SORCS1: variants seen among roughly 807,000 people sequenced by gnomAD.
The protein encoded by SORCS1 is sortilin related VPS10 domain containing receptor 1, also known as VPS10 domain-containing receptor SorCS1.
In SORCS1, 60 loss-of-function variants were observed where a neutral mutation model predicts 146.1. The ratio of observed to expected loss-of-function variants is 0.41; its 90% confidence interval spans 0.33 to 0.51. The LOEUF (loss-of-function observed/expected upper bound fraction) is 0.51, where lower values mean the gene tolerates loss of function less well. SORCS1 is among the 20% of genes least tolerant of loss of function. SORCS1 has a pLI of 0.21. For synonymous variants in SORCS1, 637 were observed against 584.0 expected (o/e 1.09, Z -1.31); for missense variants, 1,352 against 1,487.6 (o/e 0.91, Z 1.50).
intron 2 of SORCS1, among the ~76,000 whole-genome samples, chr10:106,843,609 G>C (rs1040611260): frequency 2.6e-5 from 4 of 151,912 alleles, no homozygotes; most frequent in South Asian, 4.2e-4. Flanking sequence ...TTCTGTTTTT[G>C]TATTTTTAGT....
At chr10:106,955,781 G>A (rs1954908606) in intron 2 of SORCS1, among the ~76,000 whole-genome samples, 1 of 152,068 alleles carries the variant, frequency 6.6e-6, no homozygotes. Flanking sequence ...ACCTGAGGTC[G>A]GAAGTTCAAG....
chr10:106,776,889 T>C (rs556346871), intron 3 of SORCS1, among the ~76,000 whole-genome samples, 197 bp from the exon 4 acceptor site: 1 of 152,258 alleles, frequency 6.6e-6, no homozygotes, highest in Non-Finnish European at 1.5e-5. Flanking sequence ...TACAAAGAAA[T>C]GAAGGGAGTA....
At chr10:106,644,863 TCTA>T (rs1255010581) in intron 18 of SORCS1, among the ~76,000 whole-genome samples, 1 of 152,236 alleles carries the variant, frequency 6.6e-6, no homozygotes, top group African/African-American at 2.4e-5. Flanking sequence ...GTTTATGTAT[TCTA>T]CTATTCATGA....
chr10:106,817,013 A>C (rs1947778289), intron 3 of SORCS1, among the ~76,000 whole-genome samples: 3 of 152,246 alleles, frequency 2.0e-5, no homozygotes, highest in Non-Finnish European at 4.4e-5. Context: ...AGGAACAAAG[A>C]CAGTATTAGT....
At chr10:107,002,373 T>G (rs1957257551) in intron 1 of SORCS1, among the ~76,000 whole-genome samples, 1 of 152,178 alleles carries the variant, frequency 6.6e-6, no homozygotes, top group Non-Finnish European at 1.5e-5. Flanking sequence ...CTCCTTTAAT[T>G]ACTGTGTCAG....
intron 17 of SORCS1, among the ~76,000 whole-genome samples, chr10:106,663,481 T>C (rs2135396351): frequency 6.6e-6 from 1 of 152,318 alleles, no homozygotes; most frequent in East Asian, 1.9e-4. Context: ...AACATACACA[T>C]TTATTTTGTA....
At chr10:106,942,154 GT>G (rs1256487512) in intron 2 of SORCS1, among the ~76,000 whole-genome samples, 1 of 152,154 alleles carries the variant, frequency 6.6e-6, no homozygotes, top group African/African-American at 2.4e-5. Context: ...CATTCACAGA[GT>G]TCCCCGGGGA....
chr10:107,086,170 T>C (rs986366678), intron 1 of SORCS1, among the ~76,000 whole-genome samples: 3 of 152,216 alleles, frequency 2.0e-5, no homozygotes, highest in Non-Finnish European at 4.4e-5. Flanking sequence ...AATCATTTAA[T>C]AGTTTCACAA....
chr10:106,934,212 G>A (rs1382825983), intron 2 of SORCS1, among the ~76,000 whole-genome samples: 4 of 151,838 alleles, frequency 2.6e-5, no homozygotes, highest in Non-Finnish European at 5.9e-5. Context: ...ATGTAAATTA[G>A]TACAGCCTCT....
At chr10:106,682,881 C>T (rs1188335666) in intron 10 of SORCS1, among the ~76,000 whole-genome samples, 2 of 152,192 alleles carry the variant, frequency 1.3e-5, no homozygotes, top group Non-Finnish European at 2.9e-5. Flanking sequence ...ACCACCAATG[C>T]CAGCAGCTGA....
chr10:106,701,672 C>T (rs1482715521), intron 8 of SORCS1, among the ~76,000 whole-genome samples: 1 of 152,178 alleles, frequency 6.6e-6, no homozygotes, highest in Non-Finnish European at 1.5e-5. Flanking sequence ...ATCCCACCGC[C>T]AGACTTTTCA....
intron 3 of SORCS1, among the ~76,000 whole-genome samples, chr10:106,800,398 G>A (rs777957766): frequency 6.6e-6 from 1 of 151,684 alleles, no homozygotes; most frequent in African/African-American, 2.4e-5. Context: ...AACATTTCTA[G>A]GATTGTGTAC....
chr10:106,761,173 C>G (rs943185952), intron 5 of SORCS1, among the ~76,000 whole-genome samples: 6 of 152,066 alleles, frequency 3.9e-5, no homozygotes, highest in Admixed American at 3.9e-4. Context: ...AGAGGAAGAT[C>G]TACTTTTAGA....
chr10:106,910,283 T>TTGTGTGTG lies in SORCS1; in HGVS notation c.626+46222_626+46229dup, dbSNP rs141789814. The stretch of plus-strand genomic sequence containing the variant: ...AATTCTATGCCTCCGTCTCTTTACA[T>TTGTGTGTG]TGTGTGTGTGTGTGTGTGTGTGTGT... On this transcript the variant is annotated intron_variant, in intron 2 of 25. Coordinates refer to ENST00000263054, the MANE Select transcript of SORCS1 (RefSeq NM_052918.5). 5.0e-3 allele frequency among the ~76,000 whole-genome samples: 735 copies of TTGTGTGTG among 146,116 alleles called. 6 individuals are homozygous for TTGTGTGTG. The highest frequency in any genetic ancestry group is 0.016 in the African/African-American group (643 of 39,374).
intron 3 of SORCS1, among the ~76,000 whole-genome samples, chr10:106,824,389 A>C (rs1948196371): frequency 6.6e-6 from 1 of 151,972 alleles, no homozygotes; most frequent in Admixed American, 6.6e-5. Context: ...CAGGAGTTCA[A>C]GACCAGCCTG....
intron 23 of SORCS1, 92 bp from the exon 24 acceptor site, chr10:106,597,542 T>A: frequency 1.1e-6 from 1 of 948,916 alleles, no homozygotes. Flanking sequence ...CACCAAGGTA[T>A]CACAATATTA....
intron 4 of SORCS1, among the ~76,000 whole-genome samples, chr10:106,774,426 AGTGTGT>A (rs3045083): frequency 2.0e-4 from 30 of 147,732 alleles, no homozygotes; most frequent in African/African-American, 6.5e-4. Context: ...TAGGTTCCAA[AGTGTGT>A]GTGTGTGTGT....
intron 1 of SORCS1, among the ~76,000 whole-genome samples, chr10:107,113,867 G>C (rs1037679059): frequency 6.6e-6 from 1 of 151,662 alleles, no homozygotes; most frequent in African/African-American, 2.4e-5. Context: ...ACTAAGAGTT[G>C]GTTTTTTTGA....
In SORCS1 at chr10:106,897,998, T is replaced by A. The variant is rs555701989; in HGVS notation, c.626+58515A>T. On this transcript the variant is annotated intron_variant, in intron 2 of 25. Coordinates refer to ENST00000263054, the MANE Select transcript of SORCS1 (RefSeq NM_052918.5). ...ATGGCGATTCTGTAAACATCAGTTA[T>A]CCTGCAGATAAATTCCCCTTCAGTG... Among the ~76,000 whole-genome samples the A allele has an allele frequency of 3.9e-5, 6 of 152,384 alleles. No individual in the cohort carries two copies. In the South Asian group the frequency reaches 1.2e-3, roughly 32 times the overall value.
Sources: gnomAD v4.1 joint callset for allele counts (sites outside exome capture counted in the v4.1 genomes callset) on GRCh38, gnomAD v4.1.1 for gene constraint, MANE v1.5 for transcripts, NCBI Gene and HGNC (gene_info 2026-07-23, HGNC 2026-07-21) for gene names.